STXBP5: variants seen among roughly 807,000 people sequenced by gnomAD.
STXBP5 encodes the protein syntaxin-binding protein 5.
A neutral mutation model predicts 152.4 loss-of-function variants in STXBP5; 50 were observed. That is an observed-to-expected ratio of 0.33 (90% CI 0.26 to 0.42). The LOEUF (loss-of-function observed/expected upper bound fraction) is 0.42. Ranked by LOEUF, STXBP5 falls within the 10% of genes least tolerant of loss-of-function variation. STXBP5 has a pLI of 1.00. For synonymous variants in STXBP5, 492 were observed against 494.7 expected (o/e 0.99, Z 0.07); for missense variants, 1,167 against 1,388.6 (o/e 0.84, Z 2.54).
rs373149388 is a variant in STXBP5 at position 147,238,200 on chromosome 6, G to A, written c.331-970G>A. On this transcript the variant is annotated intron_variant, in intron 3 of 27. Transcript: ENST00000321680. Reference sequence around the variant, plus strand: ...TGGAGGCTGGGAAGTCTAAGACTGAGCAGCTGCATCTGGCTGACTTCTGGT... The same window carrying A: ...TGGAGGCTGGGAAGTCTAAGACTGAACAGCTGCATCTGGCTGACTTCTGGT... 3.3e-5 allele frequency among the ~76,000 whole-genome samples: 5 copies of A among 152,292 alleles called. No homozygotes were observed. The East Asian group carries it at 9.7e-4, about 29-fold the overall frequency.
intron 21 of STXBP5, among the ~76,000 whole-genome samples, chr6:147,341,252 C>T (rs984326940): frequency 7.9e-5 from 12 of 151,952 alleles, no homozygotes; most frequent in African/African-American, 2.9e-4. Context: ...TAAGAATTAG[C>T]ATAAAATATG....
At position 147,299,249 on chromosome 6, in the gene STXBP5, T is replaced by TAA. The variant is rs145902394; in HGVS notation, c.917+8087_917+8088dup. On this transcript the variant is annotated intron_variant, in intron 9 of 27. Transcript: ENST00000321680. The stretch of plus-strand genomic sequence containing the variant: ...TTATATGCCAACAAATTGAGTAATC[T>TAA]AAAAAAAAAAAGTGTATGAAGTTCT... Among the ~76,000 whole-genome samples the TAA allele has an allele frequency of 9.8e-4, 144 of 146,938 alleles. 1 individual carries two copies. Among genetic ancestry groups the TAA allele is most frequent in the African/African-American group, 2.5e-3 (102 of 40,274 alleles).
intron 8 of STXBP5, among the ~76,000 whole-genome samples, chr6:147,284,841 C>T (rs1456396276): frequency 1.3e-5 from 2 of 152,176 alleles, no homozygotes; most frequent in Non-Finnish European, 2.9e-5. Flanking sequence ...AAAGTTTGAA[C>T]TTCATAATGG....
chr6:147,276,622 A>T (rs575009648), intron 7 of STXBP5, among the ~76,000 whole-genome samples: 27 of 152,260 alleles, frequency 1.8e-4, no homozygotes, highest in Non-Finnish European at 1.2e-4. Context: ...TTTTTAAAAA[A>T]CATTTAAATA....
chr6:147,373,701 C>G (rs745654663), intron 25 of STXBP5, 30 bp from the exon 26 acceptor site: 2 of 1,545,458 alleles, frequency 1.3e-6, no homozygotes, highest in Non-Finnish European at 1.8e-6. Flanking sequence ...CCTGAAATTT[C>G]AACAGTGACA....
At chr6:147,299,278 C>T (rs1243911412) in intron 9 of STXBP5, among the ~76,000 whole-genome samples, 1 of 149,940 alleles carries the variant, frequency 6.7e-6, no homozygotes, top group Non-Finnish European at 1.5e-5. Context: ...AAGTTCTGGG[C>T]ACATACAGCC....
At chr6:147,265,959 A>T (rs892785558) in intron 6 of STXBP5, among the ~76,000 whole-genome samples, 7 of 152,000 alleles carry the variant, frequency 4.6e-5, no homozygotes, top group African/African-American at 1.7e-4. Context: ...GAGGGTATTG[A>T]CTTACATTTG....
At chr6:147,235,483 T>G in intron 3 of STXBP5, 152 bp downstream of exon 3, 1 of 643,534 alleles carries the variant, frequency 1.6e-6, no homozygotes, top group Non-Finnish European at 2.7e-6. Context: ...CGTTTTAAGG[T>G]ACCGTCATGG....
chr6:147,353,124 T>C (rs997527669), intron 21 of STXBP5, among the ~76,000 whole-genome samples, 199 bp from the exon 22 acceptor site: 4 of 152,126 alleles, frequency 2.6e-5, no homozygotes, highest in Admixed American at 6.5e-5. Context: ...GCCTGGGCGA[T>C]TGAGTGAGAC....
chr6:147,303,425 C>T (rs1781928183), intron 9 of STXBP5, among the ~76,000 whole-genome samples: 1 of 152,194 alleles, frequency 6.6e-6, no homozygotes, highest in Non-Finnish European at 1.5e-5. Context: ...GAGGCCTCCC[C>T]AGCCATGCTG....
At chr6:147,225,416 T>C (rs901478081) in intron 2 of STXBP5, among the ~76,000 whole-genome samples, 3 of 152,208 alleles carry the variant, frequency 2.0e-5, no homozygotes, top group Non-Finnish European at 4.4e-5. Flanking sequence ...TTATGTGTAC[T>C]CTAGTCTTCC....
intron 2 of STXBP5, among the ~76,000 whole-genome samples, chr6:147,207,222 A>G (rs1207902256): frequency 2.0e-5 from 3 of 152,210 alleles, no homozygotes; most frequent in Non-Finnish European, 2.9e-5. Flanking sequence ...ACAAATATAT[A>G]TATATGTATA....
At chr6:147,351,325 T>C (rs943271215) in intron 21 of STXBP5, among the ~76,000 whole-genome samples, 2 of 152,222 alleles carry the variant, frequency 1.3e-5, no homozygotes, top group Admixed American at 1.3e-4. Context: ...TAGTGATGTC[T>C]AGAGAGGCGG....
At chr6:147,217,288 A>T (rs534312036) in intron 2 of STXBP5, among the ~76,000 whole-genome samples, 91 of 152,116 alleles carry the variant, frequency 6.0e-4, no homozygotes, top group Admixed American at 3.4e-3. Flanking sequence ...AATGTGTTGT[A>T]TTTTTCTTTT....
chr6:147,311,472 G>T lies in STXBP5; in HGVS notation c.1090G>T (p.Ala364Ser). 1 of 1,612,104 alleles carries T rather than the reference G, an allele frequency of 6.2e-7. No individual in the cohort carries two copies. The highest frequency in any genetic ancestry group is 1.3e-5 in the African/African-American group (1 of 74,936). ...PYPNDFQEPY[A>S]VVVLLEKDLV... ...AATTCCAGATTTTCAAGAACCATAT[G>T]CTGTGGTTGTTCTTCTAGAAAAGGA... Residue 364 changes from alanine to serine, a missense_variant, in exon 11 of 28, where the codon GCT becomes TCT. Physicochemically the swap from Ala to Ser is moderately conservative, Grantham distance 99. Around this residue, in one of 3 missense-constraint regions of STXBP5, gnomAD observed 833 missense variants for 986.3 expected, o/e 0.84. Transcript: ENST00000321680.
At chr6:147,284,184 T>C (rs75775640) in intron 8 of STXBP5, among the ~76,000 whole-genome samples, 5,374 of 152,240 alleles carry the variant, frequency 0.035, 144 homozygotes, top group Admixed American at 0.053. Flanking sequence ...ATTTTACGTG[T>C]CCCGCTGTCC....
intron 2 of STXBP5, among the ~76,000 whole-genome samples, chr6:147,219,372 C>T (rs191658042): frequency 6.6e-6 from 1 of 151,982 alleles, no homozygotes; most frequent in East Asian, 1.9e-4. Context: ...AAGGATTGAT[C>T]TTAGTTTTCT....
chr6:147,388,287 C>T lies in STXBP5; in HGVS notation c.*3532C>T, dbSNP rs1415076729. ...TAAATAAACTGATCAGTTTTAAAAC[C>T]TTTAATAGGGTTTTATATAGATTTA... is the stretch of plus-strand genomic sequence containing the variant. On this transcript the variant is annotated 3_prime_UTR_variant, in exon 28 of 28. Transcript: ENST00000321680. The T allele has an allele frequency of 1.3e-5, 2 of 151,514 alleles. No individual in the cohort carries two copies. The highest frequency in any genetic ancestry group is 1.9e-4 in the East Asian group (1 of 5,164). The allele number at this position is 151,514 out of a possible 1,614,324, so 9.4% of individuals were successfully genotyped here.
chr6:147,301,637 A>G (rs943692934), intron 9 of STXBP5, among the ~76,000 whole-genome samples: 2 of 152,230 alleles, frequency 1.3e-5, no homozygotes, highest in Non-Finnish European at 2.9e-5. Context: ...TCTCAAAACT[A>G]GAATATTTTC....
Sources: gnomAD v4.1 joint callset for allele counts (sites outside exome capture counted in the v4.1 genomes callset) on GRCh38, gnomAD v4.1.1 for gene constraint, gnomAD v4.1.1 regional missense constraint, MANE v1.5 for transcripts, NCBI Gene and HGNC (gene_info 2026-07-23, HGNC 2026-07-21) for gene names.